The following NMNAT2 variants were observed in gnomAD, a reference collection of about 807,000 sequenced individuals.
NMNAT2 encodes the protein nicotinamide/nicotinic acid mononucleotide adenylyltransferase 2.
A neutral mutation model predicts 41.6 loss-of-function variants in NMNAT2; 11 were observed. The observed-to-expected ratio is 0.26, with a 90% confidence interval of 0.17 to 0.44. The LOEUF is 0.44. Among genes scored for constraint, NMNAT2 ranks in the 20% least tolerant of loss-of-function variants. The pLI is 1.00. For synonymous variants in NMNAT2, 148 were observed against 151.2 expected (o/e 0.98, Z 0.16); for missense variants, 288 against 407.7 (o/e 0.71, Z 2.53).
intron 1 of NMNAT2, among the ~76,000 whole-genome samples, chr1:183,374,286 A>G (rs1018656030): frequency 8.7e-6 from 1 of 115,606 alleles, no homozygotes; most frequent in Non-Finnish European, 2.0e-5. Flanking sequence ...GACTTCAGGA[A>G]TCTGCTTGCA....
At chr1:183,273,204 C>T (rs1661028204) in intron 8 of NMNAT2, among the ~76,000 whole-genome samples, 2 of 152,260 alleles carry the variant, frequency 1.3e-5, no homozygotes, top group Admixed American at 1.3e-4. Flanking sequence ...TACCACATGG[C>T]TGCGCTGGAG....
chr1:183,337,989 A>G lies in NMNAT2; in HGVS notation c.86-44196T>C, dbSNP rs117787371. ...GGAATAAACTGGTTGTTCTCTTATTATTGATTTCAAATAGATCCCCTCTCT... is the reference window on the plus strand; with the variant it reads ...GGAATAAACTGGTTGTTCTCTTATTGTTGATTTCAAATAGATCCCCTCTCT... On this transcript the variant is annotated intron_variant, in intron 1 of 10. Coordinates refer to ENST00000287713, the MANE Select transcript of NMNAT2 (RefSeq NM_015039.4). Among the ~76,000 whole-genome samples, 811 of 152,144 alleles carry G rather than the reference A, an allele frequency of 5.3e-3. 23 individuals carry two copies. The East Asian group carries it at 0.083, about 16-fold the overall frequency.
intron 1 of NMNAT2, among the ~76,000 whole-genome samples, chr1:183,323,156 T>G (rs12046401): frequency 0.22 from 34,056 of 152,134 alleles, 3,959 homozygotes; most frequent in African/African-American, 0.27. Flanking sequence ...GGTCTCGAAC[T>G]CCTGACCTCA....
At chr1:183,270,087 T>C (rs1660945135) in intron 8 of NMNAT2, among the ~76,000 whole-genome samples, 2 of 152,284 alleles carry the variant, frequency 1.3e-5, no homozygotes, top group South Asian at 4.1e-4. Context: ...GGTTTCACTG[T>C]GTTAGCCAGG....
intron 1 of NMNAT2, among the ~76,000 whole-genome samples, chr1:183,343,589 T>C (rs900753935): frequency 2.0e-5 from 3 of 152,262 alleles, no homozygotes; most frequent in Admixed American, 6.5e-5. Flanking sequence ...AAGAGCTTCA[T>C]AGATGCTCTG....
intron 1 of NMNAT2, among the ~76,000 whole-genome samples, chr1:183,369,073 C>T (rs1413468537): frequency 1.3e-5 from 2 of 152,124 alleles, no homozygotes; most frequent in Admixed American, 1.3e-4. Flanking sequence ...AGCAGGTGTG[C>T]ACTACGCAGC....
At chr1:183,339,842 AG>A (rs1312370946) in intron 1 of NMNAT2, among the ~76,000 whole-genome samples, 1 of 152,158 alleles carries the variant, frequency 6.6e-6, no homozygotes, top group Non-Finnish European at 1.5e-5. Flanking sequence ...GAGGTCCTGA[AG>A]GAGCTATGTC....
intron 1 of NMNAT2, among the ~76,000 whole-genome samples, chr1:183,415,401 A>C (rs1649227013): frequency 1.3e-5 from 2 of 152,360 alleles, no homozygotes; most frequent in South Asian, 2.1e-4. Context: ...CATGAGACAA[A>C]GATCTTAAGG....
chr1:183,283,997 A>G lies in NMNAT2; in HGVS notation c.572T>C (p.Ile191Thr). ...NLGTVMRYEE[I>T]ELRILLLCGS... ...CGCACTTTCGCAGTCCCACTCACCAATCTCTTCATACCGCATCACCGTGCC... is the reference window on the plus strand; with the variant it reads ...CGCACTTTCGCAGTCCCACTCACCAGTCTCTTCATACCGCATCACCGTGCC... Residue 191 changes from isoleucine to threonine, a missense_variant and splice_region_variant, in exon 7 of 11, where the codon ATT (isoleucine) becomes ACT (threonine). Physicochemically the swap from Ile to Thr is moderately conservative, Grantham distance 89. Around this residue, in one of 3 missense-constraint regions of NMNAT2, gnomAD observed 181 missense variants for 213.7 expected, o/e 0.85. Coordinates refer to ENST00000287713, the MANE Select transcript of NMNAT2 (RefSeq NM_015039.4). 1.2e-6 allele frequency: 2 copies of G among 1,613,922 alleles called. No individual in the cohort carries two copies. The highest frequency in any genetic ancestry group is 1.7e-6 in the Non-Finnish European group (2 of 1,179,954).
intron 1 of NMNAT2, among the ~76,000 whole-genome samples, chr1:183,300,699 G>C (rs1194676621): frequency 6.6e-6 from 1 of 152,180 alleles, no homozygotes; most frequent in African/African-American, 2.4e-5. Flanking sequence ...AAAAGTTTTT[G>C]AAATGTTCAT....
chr1:183,407,483 G>A (rs1452666068), intron 1 of NMNAT2, among the ~76,000 whole-genome samples: 1 of 151,928 alleles, frequency 6.6e-6, no homozygotes, highest in East Asian at 1.9e-4. Context: ...CCTAGATGTT[G>A]AGATTCTGAA....
At chr1:183,363,135 T>C (rs1663340528) in intron 1 of NMNAT2, among the ~76,000 whole-genome samples, 1 of 152,204 alleles carries the variant, frequency 6.6e-6, no homozygotes, top group South Asian at 2.1e-4. Context: ...CAGTTTTTAA[T>C]TGGGTTAATT....
chr1:183,273,773 C>CTCTT (rs375355829), intron 8 of NMNAT2, among the ~76,000 whole-genome samples: 1 of 149,602 alleles, frequency 6.7e-6, no homozygotes, highest in Non-Finnish European at 1.5e-5. Flanking sequence ...TCCTTCCTTC[C>CTCTT]TCTTTCTTTC....
intron 1 of NMNAT2, among the ~76,000 whole-genome samples, chr1:183,317,728 A>C (rs1167205391): frequency 6.6e-6 from 1 of 152,182 alleles, no homozygotes; most frequent in East Asian, 1.9e-4. Flanking sequence ...GAGACTGCCT[A>C]AGATAACCCC....
intron 1 of NMNAT2, among the ~76,000 whole-genome samples, chr1:183,334,387 C>T (rs988049198): frequency 4.6e-5 from 7 of 151,994 alleles, no homozygotes; most frequent in African/African-American, 1.7e-4. Flanking sequence ...TCAATAGACT[C>T]CTTGCTTTCT....
At chr1:183,298,055 G>T (rs946262304) in intron 1 of NMNAT2, among the ~76,000 whole-genome samples, 1 of 152,106 alleles carries the variant, frequency 6.6e-6, no homozygotes, top group Non-Finnish European at 1.5e-5. Context: ...AAACGTCCTC[G>T]ACTTGACAAA....
chr1:183,338,212 A>ATAGATCTATGATATGT (rs1662719409), intron 1 of NMNAT2, among the ~76,000 whole-genome samples: 1 of 145,192 alleles, frequency 6.9e-6, no homozygotes. Context: ...AATAGATCTG[A>ATAGATCTATGATATGT]CAGATCATTA....
intron 1 of NMNAT2, among the ~76,000 whole-genome samples, chr1:183,389,183 C>T (rs1648358573): frequency 1.3e-5 from 2 of 152,182 alleles, no homozygotes; most frequent in African/African-American, 4.8e-5. Flanking sequence ...TCCAGCACTG[C>T]AGGTCCCCAG....
intron 1 of NMNAT2, among the ~76,000 whole-genome samples, chr1:183,306,869 A>G (rs1557873473): frequency 6.6e-6 from 1 of 151,980 alleles, no homozygotes; most frequent in Non-Finnish European, 1.5e-5. Context: ...CTGGCTGCCA[A>G]CTCTCATCCC....
Sources: gnomAD v4.1 joint callset for allele counts (sites outside exome capture counted in the v4.1 genomes callset) on GRCh38, gnomAD v4.1.1 for gene constraint, gnomAD v4.1.1 regional missense constraint, MANE v1.5 for transcripts, NCBI Gene and HGNC (gene_info 2026-07-23, HGNC 2026-07-21) for gene names.